Variants in KCTD16 observed in about 807,000 individuals in gnomAD.
KCTD16 encodes the protein BTB/POZ domain-containing protein KCTD16.
Under a neutral mutation model 33.2 loss-of-function variants are expected in KCTD16, and 13 were observed. That is an observed-to-expected ratio of 0.39 (90% CI 0.25 to 0.62). The LOEUF is 0.62. KCTD16 is among the 20% of genes least tolerant of loss of function. KCTD16 has a pLI of 0.50. For synonymous variants in KCTD16, 197 were observed against 195.3 expected (o/e 1.01, Z -0.07); for missense variants, 441 against 525.1 (o/e 0.84, Z 1.57).
chr5:144,485,453 T>C lies in KCTD16; in HGVS notation c.*11339T>C, dbSNP rs1754786497. On this transcript the variant is annotated 3_prime_UTR_variant, in exon 4 of 4. Coordinates refer to ENST00000512467, the MANE Select transcript of KCTD16 (RefSeq NM_020768.4). Reference sequence around the variant, plus strand: ...TTAACTGCTTTCATATTCTGTTTAGTTCTTATAGTATGGTAAATGATACAG... The same window carrying C: ...TTAACTGCTTTCATATTCTGTTTAGCTCTTATAGTATGGTAAATGATACAG... 6.6e-6 allele frequency: 1 copy of C among 151,942 alleles called. No homozygotes were observed. The highest frequency in any genetic ancestry group is 1.5e-5 in the Non-Finnish European group (1 of 67,908). The allele number at this position is 151,942 out of a possible 1,614,324, so 9.4% of individuals were successfully genotyped here.
chr5:144,347,857 A>T (rs1752847139), intron 3 of KCTD16, among the ~76,000 whole-genome samples: 1 of 152,164 alleles, frequency 6.6e-6, no homozygotes, highest in African/African-American at 2.4e-5. Flanking sequence ...AAGAGTGACC[A>T]AAACGACCCT....
intron 3 of KCTD16, among the ~76,000 whole-genome samples, chr5:144,367,479 A>G (rs562277455): frequency 2.8e-4 from 43 of 152,270 alleles, no homozygotes; most frequent in South Asian, 2.7e-3. Flanking sequence ...GGGAATTTCC[A>G]TGATTTACAA....
intron 3 of KCTD16, among the ~76,000 whole-genome samples, chr5:144,268,087 T>A (rs554097217): frequency 2.0e-5 from 3 of 152,302 alleles, no homozygotes; most frequent in African/African-American, 7.2e-5. Flanking sequence ...TAAATTCTGG[T>A]TAATTTTAGT....
At chr5:144,441,443 T>C (rs1753705358) in intron 3 of KCTD16, among the ~76,000 whole-genome samples, 3 of 152,278 alleles carry the variant, frequency 2.0e-5, no homozygotes, top group Middle Eastern at 6.8e-3. Flanking sequence ...ATTTTATTAT[T>C]ATACTTTAAG....
At position 144,475,683 on chromosome 5, in the gene KCTD16, G is replaced by A. The variant is rs139225582; in HGVS notation, c.*1569G>A. ...TTTTATTGCGTGTGTGTGCATGTGT[G>A]TATGTGTATCACAGGTAATAAAGGC... is the stretch of plus-strand genomic sequence containing the variant. On this transcript the variant is annotated 3_prime_UTR_variant, in exon 4 of 4. Coordinates refer to ENST00000512467, the MANE Select transcript of KCTD16 (RefSeq NM_020768.4). 4.0e-4 allele frequency: 61 copies of A among 152,752 alleles called. No homozygotes were observed. Among genetic ancestry groups the A allele is most frequent in the African/African-American group, 1.5e-3 (61 of 41,582 alleles). 9.5% of individuals were successfully genotyped at this position (152,752 alleles called of 1,614,324 possible).
intron 2 of KCTD16, among the ~76,000 whole-genome samples, chr5:144,180,484 A>G (rs1342016597): frequency 5.9e-5 from 9 of 152,320 alleles, no homozygotes; most frequent in African/African-American, 2.2e-4. Flanking sequence ...AAGAAGACAA[A>G]AGAACAAAAA....
At chr5:144,392,258 A>G (rs1031255215) in intron 3 of KCTD16, among the ~76,000 whole-genome samples, 3 of 152,156 alleles carry the variant, frequency 2.0e-5, no homozygotes, top group Non-Finnish European at 4.4e-5. Context: ...TGAATTCAGG[A>G]AACATAAAGG....
rs1754788253 is a variant in KCTD16, at chr5:144,485,520, A to G, written c.*11406A>G. The G allele has an allele frequency of 6.6e-6, 1 of 151,942 alleles. No individual in the cohort carries two copies. Among genetic ancestry groups the G allele is most frequent in the Admixed American group, 6.6e-5 (1 of 15,220 alleles). 9.4% of individuals were successfully genotyped at this position (151,942 alleles called of 1,614,324 possible). A position where few individuals can be genotyped will look rare whatever the true frequency, so the allele number is the denominator to read the frequency against. ...GTAAAATTGTATGGTGAAAACTACA[A>G]AAGTCATTCTGTGGATATATTTTAA... On this transcript the variant is annotated 3_prime_UTR_variant, in exon 4 of 4. Coordinates refer to ENST00000512467, the MANE Select transcript of KCTD16 (RefSeq NM_020768.4).
intron 3 of KCTD16, among the ~76,000 whole-genome samples, chr5:144,296,870 C>G (rs187095488): frequency 6.6e-6 from 1 of 152,292 alleles, no homozygotes; most frequent in East Asian, 1.9e-4. Flanking sequence ...AATTGTTCTT[C>G]TTGTGGATAA....
Position 144,476,150 on chromosome 5 carries a change from C to T in KCTD16, c.*2036C>T, listed in dbSNP as rs1028420025. 6.6e-6 allele frequency: 1 copy of T among 152,126 alleles called. No individual in the cohort carries two copies. The highest frequency in any genetic ancestry group is 2.4e-5 in the African/African-American group (1 of 41,426). The allele number at this position is 152,126 out of a possible 1,614,324, so 9.4% of individuals were successfully genotyped here. A position where few individuals can be genotyped will look rare whatever the true frequency, so the allele number is the denominator to read the frequency against. ...TACCATCATCCTAATAACAGAAGAT[C>T]TTGCAAAGAATCACAGAGCTTAATG... On this transcript the variant is annotated 3_prime_UTR_variant, in exon 4 of 4. Coordinates refer to ENST00000512467, the MANE Select transcript of KCTD16 (RefSeq NM_020768.4).
chr5:144,322,522 C>CAAAT (rs1554087330), intron 3 of KCTD16, among the ~76,000 whole-genome samples: 1 of 151,064 alleles, frequency 6.6e-6, no homozygotes, highest in African/African-American at 2.4e-5. Flanking sequence ...AACAAACAAA[C>CAAAT]AAAAAAAACA....
chr5:144,360,242 C>A (rs1057010841), intron 3 of KCTD16, among the ~76,000 whole-genome samples: 1 of 151,992 alleles, frequency 6.6e-6, no homozygotes, highest in African/African-American at 2.4e-5. Context: ...TAATGCTATC[C>A]CTCCCCTAGC....
chr5:144,306,703 G>A (rs1751610868), intron 3 of KCTD16, among the ~76,000 whole-genome samples: 1 of 152,214 alleles, frequency 6.6e-6, no homozygotes, highest in Non-Finnish European at 1.5e-5. Context: ...ACCTGGTGGT[G>A]TAGAGAGGAC....
chr5:144,455,130 G>T (rs1195673918), intron 3 of KCTD16, among the ~76,000 whole-genome samples: 1 of 152,086 alleles, frequency 6.6e-6, no homozygotes. Flanking sequence ...TTCTGTCTGT[G>T]AGTCAGGACA....
chr5:144,223,184 C>T (rs918009055), intron 3 of KCTD16, among the ~76,000 whole-genome samples: 4 of 152,048 alleles, frequency 2.6e-5, no homozygotes, highest in African/African-American at 9.7e-5. Flanking sequence ...AGGAGATATA[C>T]CTAATGTAAA....
intron 3 of KCTD16, among the ~76,000 whole-genome samples, chr5:144,299,068 A>T (rs1234987748): frequency 2.5e-5 from 2 of 79,472 alleles, no homozygotes; most frequent in East Asian, 2.8e-4. Context: ...ATATATATAT[A>T]TATATTTTTG....
chr5:144,299,142 ATATATATTTTTTTT>A lies in KCTD16; in HGVS notation c.832+91598_832+91611del, dbSNP rs1355364297. On this transcript the variant is annotated intron_variant, in intron 3 of 3. Transcript: ENST00000512467. Reference sequence around the variant, plus strand: ...TATATATATATATATATATATATATATATATATTTTTTTTTTTTTTTTTAACCTGTCACTGAGCT... The same window carrying A: ...TATATATATATATATATATATATATATTTTTTTTTAACCTGTCACTGAGCT... Among the ~76,000 whole-genome samples the A allele has an allele frequency of 3.0e-3, 68 of 22,406 alleles. 3 individuals carry two copies. Among genetic ancestry groups the A allele is most frequent in the African/African-American group, 0.024 (57 of 2,364 alleles). The allele number at this position is 22,406 out of a possible 152,430, so 14.7% of individuals were successfully genotyped here.
chr5:144,263,948 T>C (rs576496937), intron 3 of KCTD16, among the ~76,000 whole-genome samples: 1 of 152,306 alleles, frequency 6.6e-6, no homozygotes, highest in African/African-American at 2.4e-5. Flanking sequence ...CCTGTACTTA[T>C]AAGGGCATTA....
At chr5:144,229,186 G>A (rs1466028348) in intron 3 of KCTD16, among the ~76,000 whole-genome samples, 1 of 152,178 alleles carries the variant, frequency 6.6e-6, no homozygotes, top group Non-Finnish European at 1.5e-5. Flanking sequence ...TAAAGTCAAG[G>A]CAGAAGAGCT....
Sources: allele counts gnomAD v4.1 joint callset (sites outside exome capture counted in the v4.1 genomes callset), GRCh38; gene constraint gnomAD v4.1.1; transcripts MANE v1.5; gene names NCBI Gene and HGNC (gene_info 2026-07-23, HGNC 2026-07-21).